The following LAMA1 variants were observed in gnomAD, a reference collection of about 807,000 sequenced individuals.
The protein encoded by LAMA1 is laminin subunit alpha-1.
In LAMA1, 219 loss-of-function variants were observed where a neutral mutation model predicts 348.7. The observed-to-expected ratio is 0.63, with a 90% CI of 0.56 to 0.70. The LOEUF (loss-of-function observed/expected upper bound fraction) is 0.70. LAMA1 is among the 30% of genes least tolerant of loss of function. The probability of loss-of-function intolerance (pLI) is 0.00; values close to 1 mark genes in which losing one functional copy is unlikely to be tolerated. For missense variants in LAMA1, 3,744 were observed against 3,888.0 expected (o/e 0.96, Z 0.99); for synonymous variants, 1,487 against 1,491.0 (o/e 1.00, Z 0.06).
chr18:7,035,604 C>T (rs962766484), intron 13 of LAMA1, among the ~76,000 whole-genome samples: 10 of 151,942 alleles, frequency 6.6e-5, no homozygotes, highest in South Asian at 2.1e-4. Flanking sequence ...TTTTGAGAGA[C>T]GGGGGTCTCA....
chr18:7,009,717 C>T (rs543623691), intron 26 of LAMA1, among the ~76,000 whole-genome samples: 6 of 152,314 alleles, frequency 3.9e-5, no homozygotes, highest in African/African-American at 1.4e-4. Context: ...ATTTAAGATG[C>T]AGTGCCCACT....
Position 6,973,071 on chromosome 18 carries a change from C to T in LAMA1, c.6760G>A (p.Gly2254Arg), listed in dbSNP as rs140199044. 2.8e-4 allele frequency: 453 copies of T among 1,614,040 alleles called. No homozygotes were observed. Among genetic ancestry groups the T allele is most frequent in the Non-Finnish European group, 3.6e-4 (425 of 1,180,018 alleles). Residue 2254 changes from glycine to arginine, a missense_variant, in exon 47 of 63, where the codon GGA (glycine) becomes AGA (arginine). Coordinates refer to ENST00000389658, the MANE Select transcript of LAMA1 (RefSeq NM_005559.4). ...CGTAATGTTACCTTGATTTGTCCTCCAAGACCTCCAACAAACATGAGTGTT... is the reference window on the plus strand; with the variant it reads ...CGTAATGTTACCTTGATTTGTCCTCTAAGACCTCCAACAAACATGAGTGTT... ...NSTLMFVGGL[G>R]GQIKKSPAVK...
At chr18:6,962,256 T>A (rs373885392) in intron 51 of LAMA1, among the ~76,000 whole-genome samples, 197 bp from the exon 52 acceptor site, 3 of 151,922 alleles carry the variant, frequency 2.0e-5, no homozygotes, top group African/African-American at 7.2e-5. Context: ...ACCCTGTCTC[T>A]ACAAAAAATA....
chr18:7,007,955 C>T (rs12967502), intron 28 of LAMA1, among the ~76,000 whole-genome samples: 7,265 of 138,142 alleles, frequency 0.053, 200 homozygotes, highest in African/African-American at 0.086. Context: ...ATTTTTGAGA[C>T]GGAGTATCTC....
At position 7,038,840 on chromosome 18, in the gene LAMA1, G is replaced by C; in HGVS notation, c.1533C>G (p.Val511=). 2 of 1,614,244 alleles carry C rather than the reference G, an allele frequency of 1.2e-6. No homozygotes were observed. The highest frequency in any genetic ancestry group is 1.7e-6 in the Non-Finnish European group (2 of 1,180,040). ...SECFCFGVSD[V]CSSLSWPVGQ... ...CAACAGGCCAAGAGAGGCTGCTGCA[G>C]ACATCAGAAACGCCAAAGCAGAAGC... Residue 511 remains valine, a synonymous_variant, in exon 11 of 63, where the codon GTC becomes GTG. Coordinates refer to ENST00000389658, the MANE Select transcript of LAMA1 (RefSeq NM_005559.4).
chr18:6,965,152 A>T (rs1444386337), intron 50 of LAMA1, 136 bp downstream of exon 50: 2 of 1,170,628 alleles, frequency 1.7e-6, no homozygotes, highest in African/African-American at 3.0e-5. Flanking sequence ...TAGTATTCCA[A>T]AGACAACACT....
At chr18:7,013,036 C>T (rs1400033179) in intron 23 of LAMA1, among the ~76,000 whole-genome samples, 1 of 151,856 alleles carries the variant, frequency 6.6e-6, no homozygotes, top group Non-Finnish European at 1.5e-5. Context: ...TGGTGGGCAC[C>T]TCTAGTCCCA....
rs766298511 is a variant in LAMA1 at position 6,971,963 on chromosome 18, C to T, written c.6793G>A (p.Val2265Ile). 9.9e-6 allele frequency: 16 copies of T among 1,614,058 alleles called. No individual in the cohort carries two copies. The highest frequency in any genetic ancestry group is 5.0e-5 in the Admixed American group (3 of 60,012). ...CCCAAGCAGCCTTTAAAATGAGTAACCTTCACAGCAGGAGATTTCTAATGC... is the reference window on the plus strand; with the variant it reads ...CCCAAGCAGCCTTTAAAATGAGTAATCTTCACAGCAGGAGATTTCTAATGC... ...GQIKKSPAVK[V>I]THFKGCLGEA... Residue 2265 changes from valine (V) to isoleucine (I), a missense_variant, in exon 48 of 63, where the codon GTT becomes ATT. By Grantham distance (29) the Val-to-Ile change is conservative. Coordinates refer to ENST00000389658, the MANE Select transcript of LAMA1 (RefSeq NM_005559.4).
intron 3 of LAMA1, 130 bp from the exon 4 acceptor site, chr18:7,051,066 G>A: frequency 8.1e-7 from 1 of 1,241,480 alleles, no homozygotes; most frequent in Non-Finnish European, 1.1e-6. Flanking sequence ...CAGTAGAATG[G>A]TGGCTGCCAT....
intron 49 of LAMA1, chr18:6,965,942 T>C: frequency 1.7e-6 from 1 of 592,542 alleles, no homozygotes. Context: ...TATATTTTTC[T>C]AAAGGTTCTA....
intron 56 of LAMA1, chr18:6,955,782 G>T: frequency 4.7e-6 from 2 of 426,704 alleles, no homozygotes; most frequent in South Asian, 4.1e-5. Context: ...GTCCCCCTAG[G>T]CCCCCGCCGT....
rs568980221 is a variant in LAMA1 at position 7,033,039 on chromosome 18, G to A, written c.2108C>T (p.Ala703Val). The A allele has an allele frequency of 5.1e-5, 83 of 1,612,410 alleles. No individual in the cohort carries two copies. The Middle Eastern group carries it at 8.2e-4, about 16-fold the overall frequency. ...ASSNAIDLVV[A>V]ADVEHCECPQ... is the part of the protein sequence containing the mutation. ...ACATTCACAGTGCTCCACATCAGCGGCCACCACCAGGTCGATGGCATTAGA... is the reference window on the plus strand; with the variant it reads ...ACATTCACAGTGCTCCACATCAGCGACCACCACCAGGTCGATGGCATTAGA... Residue 703 changes from alanine to valine, a missense_variant, in exon 15 of 63, where the codon GCC becomes GTC. Physicochemically the swap from Ala to Val is moderately conservative, Grantham distance 64 (BLOSUM62 0). Around this residue, in one of 3 missense-constraint regions of LAMA1, gnomAD observed 1,529 missense variants for 1,689.4 expected, o/e 0.91. Transcript: ENST00000389658.
Position 7,040,101 on chromosome 18 carries a change from G to A in LAMA1, c.1397C>T (p.Pro466Leu), listed in dbSNP as rs764850566. The change falls in exon 10 of 63, where the codon CCC becomes CTC. Residue 466 changes from proline (P) to leucine (L), a missense_variant. Pro to Leu is a moderately conservative substitution (Grantham distance 98, BLOSUM62 -3). Coordinates refer to ENST00000389658, the MANE Select transcript of LAMA1 (RefSeq NM_005559.4). ...CNPVGSASDE[P>L]CTGPCVCKEN... Reference sequence around the variant, plus strand: ...CTTACAAACACAGGGCCCTGTGCAGGGCTCATCACTGGCACTGCCCACTGG... The same window carrying A: ...CTTACAAACACAGGGCCCTGTGCAGAGCTCATCACTGGCACTGCCCACTGG... 5 of 1,613,920 alleles carry A rather than the reference G, an allele frequency of 3.1e-6. No individual in the cohort carries two copies. The East Asian group carries it at 8.9e-5, about 29-fold the overall frequency.
intron 3 of LAMA1, among the ~76,000 whole-genome samples, chr18:7,062,103 G>T (rs538340705): frequency 6.6e-6 from 1 of 152,214 alleles, no homozygotes; most frequent in Non-Finnish European, 1.5e-5. Flanking sequence ...TTGTCACAGG[G>T]ACTAAGCCAG....
intron 30 of LAMA1, among the ~76,000 whole-genome samples, chr18:7,000,528 G>A (rs992358959): frequency 2.0e-5 from 3 of 152,244 alleles, no homozygotes; most frequent in African/African-American, 7.2e-5. Context: ...AGGGAGTTAT[G>A]TGGTAGGCTG....
intron 34 of LAMA1, among the ~76,000 whole-genome samples, chr18:6,995,146 C>T (rs2057775412): frequency 6.6e-6 from 1 of 152,216 alleles, no homozygotes; most frequent in Admixed American, 6.5e-5. Context: ...GAGATGACAA[C>T]AGACATTAAG....
rs201415974 is a variant in LAMA1, at chr18:7,080,278, G to T, written c.232+9C>A. ...ATGGGAATTTCAGAAATAAAGGCGC[G>T]ACACTTGCCTCTGGGGTTTGCGCTG... On this transcript the variant is annotated intron_variant, in intron 2 of 62. Transcript: ENST00000389658. 6.2e-7 allele frequency: 1 copy of T among 1,613,948 alleles called. No homozygotes were observed. The highest frequency in any genetic ancestry group is 1.1e-5 in the South Asian group (1 of 91,052).
chr18:7,092,628 A>G (rs1163020044), intron 1 of LAMA1, among the ~76,000 whole-genome samples: 52 of 27,510 alleles, frequency 1.9e-3, no homozygotes, highest in Admixed American at 5.2e-3. Flanking sequence ...TGTCTCGGGA[A>G]AAAAAAAAAA....
At chr18:7,018,617 G>T (rs566470353) in intron 19 of LAMA1, among the ~76,000 whole-genome samples, 1 of 151,936 alleles carries the variant, frequency 6.6e-6, no homozygotes, top group Non-Finnish European at 1.5e-5. Flanking sequence ...GGATGGTCTC[G>T]ATCTCCTGAC....
Sources: allele counts gnomAD v4.1 joint callset (sites outside exome capture counted in the v4.1 genomes callset), GRCh38; gene constraint gnomAD v4.1.1; regional missense constraint gnomAD v4.1.1; transcripts MANE v1.5; gene names NCBI Gene and HGNC (gene_info 2026-07-23, HGNC 2026-07-21).